ZFP62: variants seen among roughly 807,000 people sequenced by gnomAD.
ZFP62 encodes ZFP62 zinc finger protein, also known as zinc finger protein 62 homolog.
Under a neutral mutation model 56.4 loss-of-function variants are expected in ZFP62, and 44 were observed. The ratio of observed to expected loss-of-function variants is 0.78; its 90% CI spans 0.61 to 1.00. The LOEUF is 1.00. Ranked by LOEUF, ZFP62 falls within the 50% of genes least tolerant of loss-of-function variation. ZFP62 has a pLI of 0.00. For missense variants in ZFP62, 1,030 were observed against 1,085.7 expected, an observed-to-expected ratio of 0.95 and a Z score of 0.72; for synonymous variants, 421 against 388.9, an observed-to-expected ratio of 1.08 and a Z score of -0.97.
rs1459067741 is a variant in ZFP62 at position 180,847,841 on chromosome 5, C to CTT, written c.*949_*950dup. 3 of 985,414 alleles carry CTT rather than the reference C, an allele frequency of 3.0e-6. No homozygotes were observed. Among genetic ancestry groups the CTT allele is most frequent in the Non-Finnish European group, 2.4e-6 (2 of 829,924 alleles). 61.0% of individuals were successfully genotyped at this position (985,414 alleles called of 1,614,324 possible). On this transcript the variant is annotated 3_prime_UTR_variant, in exon 2 of 2. Coordinates refer to ENST00000502412, the MANE Select transcript of ZFP62 (RefSeq NM_001172638.2). ...TTTCCTTCTCTCTAGATGACTGGTA[C>CTT]TTTAGCTTTTTAGCTTCTGCAATAA... is the stretch of plus-strand genomic sequence containing the variant.
chr5:180,842,495 T>C, the ZFP62 span, among the ~76,000 whole-genome samples: 1 of 151,230 alleles, frequency 6.6e-6, no homozygotes, highest in African/African-American at 2.4e-5. Flanking sequence ...AAAGAATACA[T>C]TAAACTGGCA....
the ZFP62 span, chr5:180,830,091 G>A: frequency 6.6e-6 from 1 of 151,988 alleles, no homozygotes; most frequent in Non-Finnish European, 1.5e-5. Flanking sequence ...GCCCTCTGAA[G>A]TGTACTCAGA....
the ZFP62 span, among the ~76,000 whole-genome samples, chr5:180,838,536 G>A: frequency 6.6e-6 from 1 of 152,222 alleles, no homozygotes; most frequent in Non-Finnish European, 1.5e-5. Flanking sequence ...AATTGATGTT[G>A]AGTCCCTAAT....
intron 1 of ZFP62, among the ~76,000 whole-genome samples, chr5:180,858,850 T>C (rs1425100073): frequency 6.6e-6 from 1 of 152,216 alleles, no homozygotes; most frequent in Non-Finnish European, 1.5e-5. Context: ...ACAAGCCCTT[T>C]CTAACCAGTT....
At chr5:180,828,161 T>C in the ZFP62 span, among the ~76,000 whole-genome samples, 1 of 152,192 alleles carries the variant, frequency 6.6e-6, no homozygotes, top group Non-Finnish European at 1.5e-5. Flanking sequence ...TCTGTGTCTT[T>C]TTCTTTTCCA....
chr5:180,837,368 C>T, the ZFP62 span, among the ~76,000 whole-genome samples: 994 of 152,260 alleles, frequency 6.5e-3, 5 homozygotes, highest in Non-Finnish European at 9.5e-3. Context: ...GTTTGTTTTG[C>T]ATTAAAGGTC....
the ZFP62 span, among the ~76,000 whole-genome samples, chr5:180,838,337 T>C: frequency 7.9e-5 from 12 of 151,830 alleles, no homozygotes; most frequent in Non-Finnish European, 1.5e-5. Context: ...ACTGCCCAAG[T>C]GAGGTGAGTA....
chr5:180,846,754 T>C (rs188374126), downstream of ZFP62, among the ~76,000 whole-genome samples: 24 of 152,306 alleles, frequency 1.6e-4, no homozygotes, highest in East Asian at 4.1e-3. Context: ...TTTCTCCCTT[T>C]ATTCATCCTC....
chr5:180,829,780 C>T, the ZFP62 span, among the ~76,000 whole-genome samples: 1 of 152,140 alleles, frequency 6.6e-6, no homozygotes. Flanking sequence ...TACCTCGGAG[C>T]CGACACTGAA....
the ZFP62 span, among the ~76,000 whole-genome samples, chr5:180,841,336 T>C: frequency 1.3e-5 from 2 of 151,660 alleles, no homozygotes; most frequent in South Asian, 2.1e-4. Flanking sequence ...TATATATATA[T>C]ATACTTTTTA....
chr5:180,843,503 G>A (rs1773356281), downstream of ZFP62, among the ~76,000 whole-genome samples: 1 of 151,998 alleles, frequency 6.6e-6, no homozygotes, highest in Non-Finnish European at 1.5e-5. Flanking sequence ...AAAGAGAAAT[G>A]CCATATAACG....
chr5:180,855,154 A>T (rs1561908880), intron 1 of ZFP62, among the ~76,000 whole-genome samples: 1 of 152,258 alleles, frequency 6.6e-6, no homozygotes, highest in South Asian at 2.1e-4. Flanking sequence ...TGTATGAAAG[A>T]GAGAGCAAGA....
At position 180,858,950 on chromosome 5, in the gene ZFP62, G is replaced by A. The variant is rs571409865; in HGVS notation, c.1+2269C>T. Among the ~76,000 whole-genome samples, 11 of 152,158 alleles carry A rather than the reference G, an allele frequency of 7.2e-5. No individual in the cohort carries two copies. The South Asian group carries it at 8.3e-4, about 12-fold the overall frequency. On this transcript the variant is annotated intron_variant, in intron 1 of 1. Transcript: ENST00000502412. ...CACCCACTCCTTCCAAACTACATAC[G>A]ACCAACAACCTCTGGGCACTCTTCC...
chr5:180,844,844 G>C (rs1310691764), downstream of ZFP62, among the ~76,000 whole-genome samples: 1 of 152,166 alleles, frequency 6.6e-6, no homozygotes, highest in Non-Finnish European at 1.5e-5. Flanking sequence ...TTCCAGGTAA[G>C]AGTTGTCCTC....
the ZFP62 span, chr5:180,834,918 AAG>A: frequency 6.6e-6 from 1 of 151,272 alleles, no homozygotes; most frequent in Admixed American, 6.6e-5. Context: ...TGGCATTATA[AAG>A]AGAGACACAA....
the ZFP62 span, among the ~76,000 whole-genome samples, chr5:180,836,319 A>G: frequency 6.6e-6 from 1 of 152,260 alleles, no homozygotes; most frequent in Non-Finnish European, 1.5e-5. Flanking sequence ...TAGTAGGGCC[A>G]TTGCCCTCTG....
chr5:180,854,570 G>A (rs143922386), intron 1 of ZFP62, among the ~76,000 whole-genome samples: 2,705 of 149,570 alleles, frequency 0.018, 81 homozygotes, highest in Admixed American at 0.075. Context: ...TATTTATAAT[G>A]CTTAAATTAT....
the ZFP62 span, among the ~76,000 whole-genome samples, chr5:180,840,822 T>C: frequency 7.3e-4 from 90 of 123,394 alleles, no homozygotes; most frequent in Middle Eastern, 4.2e-3. Context: ...TGTGTGTGTG[T>C]TGGGGTTGGG....
chr5:180,853,116 T>C (rs1159183244), intron 1 of ZFP62, among the ~76,000 whole-genome samples: 1 of 152,186 alleles, frequency 6.6e-6, no homozygotes, highest in Non-Finnish European at 1.5e-5. Context: ...ATAAAAAACA[T>C]ACATGCACAG....
Sources: allele counts gnomAD v4.1 joint callset (sites outside exome capture counted in the v4.1 genomes callset), GRCh38; gene constraint gnomAD v4.1.1; transcripts MANE v1.5; gene names NCBI Gene and HGNC (gene_info 2026-07-23, HGNC 2026-07-21).